The following CACNA1C variants were observed in gnomAD, a reference collection of about 807,000 sequenced individuals.
CACNA1C encodes the protein calcium voltage-gated channel subunit alpha1 C.
Under a neutral mutation model 229.0 loss-of-function variants are expected in CACNA1C, and 30 were observed. The observed-to-expected ratio is 0.13, with a 90% confidence interval of 0.10 to 0.18. The LOEUF is 0.18. CACNA1C is among the 10% of genes least tolerant of loss of function. The pLI is 1.00. For synonymous variants in CACNA1C, 1,114 were observed against 1,132.5 expected (o/e 0.98, Z 0.33); for missense variants, 1,658 against 2,845.0 (o/e 0.58, Z 9.49).
intron 1 of CACNA1C, chr12:1,991,940 G>C (rs1254245108): frequency 5.6e-6 from 1 of 177,724 alleles, no homozygotes; most frequent in African/African-American, 2.4e-5. Context: ...ATTTTATTAG[G>C]ACTTAAATTA....
rs150692845 is a variant in CACNA1C, at chr12:2,567,633, G to A, written c.1734G>A (p.Leu578=). 6.4e-5 allele frequency: 103 copies of A among 1,612,064 alleles called. No individual in the cohort carries two copies. The East Asian group carries it at 2.2e-3, about 35-fold the overall frequency. ...TAEMLLKMYS[L]GLQAYFVSLF... is the part of the protein sequence containing the mutation. ...AGATGCTCCTGAAGATGTACAGCCT[G>A]GGCCTGCAGGCCTACTTCGTGTCCC... is the stretch of plus-strand genomic sequence containing the variant. The change falls in exon 13 of 47, where the codon CTG becomes CTA. Residue 578 remains leucine, a synonymous_variant. Transcript: ENST00000399655.
At chr12:2,650,946 A>T (rs2094901015) in intron 31 of CACNA1C, 1 of 152,678 alleles carries the variant, frequency 6.5e-6, no homozygotes, top group Admixed American at 6.5e-5. Context: ...AGAGGGGAGT[A>T]GGAGGGCAAC....
Position 2,566,284 on chromosome 12 carries a change from G to C in CACNA1C, c.1509-138G>C. On this transcript the variant is annotated intron_variant, in intron 11 of 46. Coordinates refer to ENST00000399655, the MANE Select transcript of CACNA1C (RefSeq NM_000719.7). This position sits in a 1 kb window ranked among gnomAD's most constrained non-coding sequence, Gnocchi z 4.0. ...CCTGGTTAGCTGGATGAGAAGCTGG[G>C]CTCCTTGCCACCAGATTGGGCTGCT... The C allele has an allele frequency of 1.4e-6, 1 of 724,908 alleles. No individual in the cohort carries two copies. The highest frequency in any genetic ancestry group is 2.2e-5 in the South Asian group (1 of 44,744). The allele number at this position is 724,908 out of a possible 1,614,324, so 44.9% of individuals were successfully genotyped here.
At chr12:2,282,622 G>A (rs978547502) in intron 3 of CACNA1C, among the ~76,000 whole-genome samples, 1 of 152,212 alleles carries the variant, frequency 6.6e-6, no homozygotes, top group African/African-American at 2.4e-5. Flanking sequence ...TGCTGAATGA[G>A]TGGTCAGGTA....
At position 2,449,134 on chromosome 12, in the gene CACNA1C, T is replaced by C. The variant is rs1544516; in HGVS notation, c.617+19T>C. 379,346 of 1,502,654 alleles carry C rather than the reference T, an allele frequency of 0.25. 49,086 individuals are homozygous for C. The highest frequency in any genetic ancestry group is 0.33 in the African/African-American group (23,372 of 71,046). 93.1% of individuals were successfully genotyped at this position (1,502,654 alleles called of 1,614,324 possible). A position where few individuals can be genotyped will look rare whatever the true frequency, so the allele number is the denominator to read the frequency against. ...TTGTGGGGTAAGTATCACTGTCTGT[T>C]TCTTTCCCTTTATCTTACCAGTGTT... On this transcript the variant is annotated intron_variant, in intron 4 of 46. Transcript: ENST00000399655.
chr12:1,991,323 T>A, intron 1 of CACNA1C: 1 of 436,182 alleles, frequency 2.3e-6, no homozygotes, highest in Non-Finnish European at 4.6e-6. Context: ...AAAATCATTA[T>A]AAAATACGGA....
chr12:2,069,841 A>C (rs187517898), intron 1 of CACNA1C, among the ~76,000 whole-genome samples: 1 of 152,054 alleles, frequency 6.6e-6, no homozygotes, highest in East Asian at 1.9e-4. Flanking sequence ...TTTTCTTGAG[A>C]CGGCGTCACT....
chr12:2,347,541 C>T (rs2238072), intron 3 of CACNA1C, among the ~76,000 whole-genome samples: 68,768 of 152,160 alleles, frequency 0.45, 17,710 homozygotes, highest in Non-Finnish European at 0.58. Flanking sequence ...AGGCCTGATG[C>T]TCATAGGGTG....
Position 2,191,418 on chromosome 12 carries a change from G to C in CACNA1C, c.477+70988G>C, listed in dbSNP as rs114464132. Among the ~76,000 whole-genome samples the C allele has an allele frequency of 3.7e-3, 566 of 152,214 alleles. 2 individuals are homozygous for C. The highest frequency in any genetic ancestry group is 0.013 in the African/African-American group (529 of 41,518). On this transcript the variant is annotated intron_variant, in intron 3 of 46. Transcript: ENST00000399655. The stretch of plus-strand genomic sequence containing the variant: ...GGACTGGCCCTCTGCAGTCACGCTG[G>C]CTCCAGGCTCACCGGGAGTCACGTT...
chr12:2,052,341 C>G (rs2052440896), upstream of CACNA1C, among the ~76,000 whole-genome samples: 1 of 152,126 alleles, frequency 6.6e-6, no homozygotes. Context: ...TCTGTCACTT[C>G]TACAACCGCT....
intron 13 of CACNA1C, among the ~76,000 whole-genome samples, chr12:2,568,040 GA>G (rs1177390578): frequency 4.6e-5 from 7 of 152,122 alleles, no homozygotes; most frequent in African/African-American, 1.7e-4. Context: ...TTCAGCCATG[GA>G]AAAAAAGTCC....
intron 18 of CACNA1C, among the ~76,000 whole-genome samples, chr12:2,590,072 G>T (rs1428288980): frequency 1.3e-5 from 2 of 152,174 alleles, no homozygotes; most frequent in African/African-American, 4.8e-5. Flanking sequence ...CTTGCGCCCT[G>T]CTAGAAACTA....
chr12:2,596,202 C>A, intron 20 of CACNA1C, 199 bp downstream of exon 20: 1 of 485,590 alleles, frequency 2.1e-6, no homozygotes. Context: ...GAGCATGTAC[C>A]CAAATGCTCA....
chr12:2,199,632 C>T (rs1278657539), intron 3 of CACNA1C, among the ~76,000 whole-genome samples: 4 of 152,030 alleles, frequency 2.6e-5, no homozygotes, highest in Non-Finnish European at 5.9e-5. Context: ...GTAAGGGAGT[C>T]AGCGCCCCCA....
intron 1 of CACNA1C, among the ~76,000 whole-genome samples, chr12:1,979,405 T>G (rs1418405855): frequency 6.6e-6 from 1 of 152,104 alleles, no homozygotes; most frequent in African/African-American, 2.4e-5. Flanking sequence ...ACCTCCACCT[T>G]CAGGGTTCAA....
chr12:2,580,500 A>T lies in CACNA1C; in HGVS notation c.1896-1090A>T, dbSNP rs867243239. Among the ~76,000 whole-genome samples the T allele has an allele frequency of 8.6e-4, 131 of 152,294 alleles. 1 individual carries two copies. The highest frequency in any genetic ancestry group is 4.1e-3 in the Admixed American group (63 of 15,296). On this transcript the variant is annotated intron_variant, in intron 13 of 46. Transcript: ENST00000399655. ...GTGACCTAGGAGGCAGGTGGGCCAG[A>T]GGGGGCCAGAGGGAAATGAGATTGT...
chr12:2,165,160 G>T (rs1029973259), intron 3 of CACNA1C, among the ~76,000 whole-genome samples: 2 of 152,184 alleles, frequency 1.3e-5, no homozygotes, highest in African/African-American at 4.8e-5. Flanking sequence ...AGAGTCTTAG[G>T]TTTCTGGTGA....
At chr12:2,528,449 A>G (rs1198164419) in intron 9 of CACNA1C, among the ~76,000 whole-genome samples, 1 of 152,186 alleles carries the variant, frequency 6.6e-6, no homozygotes, top group Non-Finnish European at 1.5e-5. Context: ...TTCCTCCTGC[A>G]GGATTGCCTG....
rs1028185993 is a variant in CACNA1C at position 2,601,650 on chromosome 12, G to A, written c.2854-204G>A. Among the ~76,000 whole-genome samples, 6 of 152,308 alleles carry A rather than the reference G, an allele frequency of 3.9e-5. No individual in the cohort carries two copies. Among genetic ancestry groups the A allele is most frequent in the Middle Eastern group, 3.4e-3 (1 of 294 alleles). On this transcript the variant is annotated intron_variant, in intron 21 of 46. Coordinates refer to ENST00000399655, the MANE Select transcript of CACNA1C (RefSeq NM_000719.7). The surrounding 1 kb of genome is among the most constrained non-coding windows in gnomAD (Gnocchi z 5.9). ...GTGCAAGGAGCCACCCAGCAGTCCT[G>A]GGCTGCGAGAGTCTTGGGTGGTTGT... is the stretch of plus-strand genomic sequence containing the variant.
Sources: allele counts gnomAD v4.1 joint callset (sites outside exome capture counted in the v4.1 genomes callset), GRCh38; gene constraint gnomAD v4.1.1; non-coding constraint Gnocchi (gnomAD v3.1); transcripts MANE v1.5; gene names NCBI Gene and HGNC (gene_info 2026-07-23, HGNC 2026-07-21).